STK32C: variants seen among roughly 807,000 people sequenced by gnomAD.
The protein encoded by STK32C is serine/threonine-protein kinase 32C.
In STK32C, 31 loss-of-function variants were observed where a neutral mutation model predicts 56.5. The ratio of observed to expected loss-of-function variants is 0.55; its 90% CI spans 0.41 to 0.74. The LOEUF (loss-of-function observed/expected upper bound fraction) is 0.74, where lower values mean the gene tolerates loss of function less well. Ranked by LOEUF, STK32C falls within the 30% of genes least tolerant of loss-of-function variation. The pLI is 0.00. For synonymous variants in STK32C, 309 were observed against 289.4 expected, an observed-to-expected ratio of 1.07 and a Z score of -0.69; for missense variants, 544 against 676.9, an observed-to-expected ratio of 0.80 and a Z score of 2.18.
chr10:132,276,238 G>A (rs994001803), intron 1 of STK32C, among the ~76,000 whole-genome samples: 3 of 152,228 alleles, frequency 2.0e-5, no homozygotes, highest in African/African-American at 7.2e-5. Context: ...AAGGGAAGAT[G>A]CAGAAAAGTG....
chr10:132,282,046 G>A (rs1376334664), intron 1 of STK32C, among the ~76,000 whole-genome samples: 4 of 152,244 alleles, frequency 2.6e-5, no homozygotes, highest in Non-Finnish European at 5.9e-5. Context: ...TGGAGGCAGA[G>A]CCGCCAGCTG....
chr10:132,274,220 G>C (rs1439231993), intron 1 of STK32C, among the ~76,000 whole-genome samples: 1 of 152,178 alleles, frequency 6.6e-6, no homozygotes, highest in African/African-American at 2.4e-5. Flanking sequence ...GGAGAGGCTG[G>C]CTCCTCCTGT....
At chr10:132,279,473 CAT>C (rs1369819875) in intron 1 of STK32C, among the ~76,000 whole-genome samples, 3 of 152,066 alleles carry the variant, frequency 2.0e-5, no homozygotes, top group South Asian at 2.1e-4. Context: ...AAGACATACA[CAT>C]GTGACCAGGT....
intron 1 of STK32C, among the ~76,000 whole-genome samples, chr10:132,246,853 T>C (rs1565105244): frequency 2.0e-5 from 3 of 152,184 alleles, no homozygotes; most frequent in East Asian, 3.9e-4. Context: ...TCCACTTGTG[T>C]CCCCAGGCCT....
intron 1 of STK32C, among the ~76,000 whole-genome samples, chr10:132,301,847 T>A (rs1246220162): frequency 6.6e-6 from 1 of 151,998 alleles, no homozygotes; most frequent in Non-Finnish European, 1.5e-5. Context: ...GGGTTAGAGA[T>A]CCCCCTCCAG....
intron 1 of STK32C, among the ~76,000 whole-genome samples, chr10:132,318,882 G>A (rs2066354397): frequency 6.6e-6 from 1 of 151,102 alleles, no homozygotes; most frequent in Admixed American, 6.6e-5. Context: ...AAAAAAAACA[G>A]ACAATACCAA....
At chr10:132,248,849 G>A (rs934252930) in intron 1 of STK32C, among the ~76,000 whole-genome samples, 2 of 152,200 alleles carry the variant, frequency 1.3e-5, no homozygotes, top group African/African-American at 4.8e-5. Context: ...TAAGCCTCTG[G>A]CCCCCGAGCT....
In STK32C at chr10:132,253,712, C is replaced by T. The variant is rs994138199; in HGVS notation, c.263-7757G>A. Among the ~76,000 whole-genome samples the T allele has an allele frequency of 3.9e-5, 6 of 152,326 alleles. No individual in the cohort carries two copies. The East Asian group carries it at 5.8e-4, about 15-fold the overall frequency. On this transcript the variant is annotated intron_variant, in intron 1 of 11. Transcript: ENST00000298630. ...TGAGGGAGCTGAGGGAGCCGCCCCT[C>T]CACAGCACATCTAAGGCCAAACACC... is the stretch of plus-strand genomic sequence containing the variant.
rs1191839984 is a variant in STK32C at position 132,208,055 on chromosome 10, G to A, written c.1416C>T (p.Ala472=). The change falls in exon 12 of 12, where the codon GCC becomes GCT. Residue 472 remains alanine, a synonymous_variant. Coordinates refer to ENST00000298630, the MANE Select transcript of STK32C (RefSeq NM_173575.4). ...GGCAAATGGGGCCGCACATGGGCAG[G>A]GCGGAGCGTTCCGCCTCGTCCTCCA... is the stretch of plus-strand genomic sequence containing the variant. ...EPVEDEAERS[A]LPMCGPICPS... 1.4e-5 allele frequency: 19 copies of A among 1,310,806 alleles called. No individual in the cohort carries two copies. The highest frequency in any genetic ancestry group is 1.7e-5 in the Non-Finnish European group (17 of 1,022,050). 81.2% of individuals were successfully genotyped at this position (1,310,806 alleles called of 1,614,324 possible). A position where few individuals can be genotyped will look rare whatever the true frequency, so the allele number is the denominator to read the frequency against.
intron 1 of STK32C, among the ~76,000 whole-genome samples, chr10:132,287,221 G>A (rs111587289): frequency 0.046 from 6,976 of 152,112 alleles, 538 homozygotes; most frequent in African/African-American, 0.16. Flanking sequence ...GGCCAGGCAC[G>A]GTGGCTCACA....
At chr10:132,251,068 C>A (rs777625389) in intron 1 of STK32C, among the ~76,000 whole-genome samples, 1 of 152,180 alleles carries the variant, frequency 6.6e-6, no homozygotes, top group Non-Finnish European at 1.5e-5. Flanking sequence ...CCTGGGGTCA[C>A]CCCCAAGGAG....
At chr10:132,252,023 C>T (rs2063927953) in intron 1 of STK32C, among the ~76,000 whole-genome samples, 2 of 152,232 alleles carry the variant, frequency 1.3e-5, no homozygotes, top group African/African-American at 4.8e-5. Flanking sequence ...CCCTATGCCT[C>T]CTGGGGCCTC....
intron 1 of STK32C, among the ~76,000 whole-genome samples, chr10:132,254,954 C>T (rs2064055409): frequency 6.6e-6 from 1 of 152,046 alleles, no homozygotes; most frequent in Non-Finnish European, 1.5e-5. Flanking sequence ...TGTCCCAGGC[C>T]TGGGACGCTT....
intron 2 of STK32C, among the ~76,000 whole-genome samples, chr10:132,239,890 C>T (rs543783745): frequency 3.6e-4 from 55 of 152,342 alleles, no homozygotes; most frequent in Middle Eastern, 3.4e-3. Context: ...AGGACAGGGA[C>T]GCATCACTCG....
chr10:132,331,725 G>A (rs11146334), exon 1 of STK32C: 1 of 1,612,408 alleles, frequency 6.2e-7, no homozygotes, highest in Admixed American at 1.7e-5. Context: ...CTCCCCAGAC[G>A]GCACTTAGCA....
At chr10:132,213,459 T>C (rs1296599624) in intron 10 of STK32C, among the ~76,000 whole-genome samples, 4 of 152,204 alleles carry the variant, frequency 2.6e-5, no homozygotes, top group Non-Finnish European at 4.4e-5. Context: ...ACCCGGGAAA[T>C]GAAAACAAAT....
intron 2 of STK32C, among the ~76,000 whole-genome samples, chr10:132,235,722 C>T (rs1304418632): frequency 1.3e-5 from 2 of 151,980 alleles, no homozygotes; most frequent in Non-Finnish European, 1.5e-5. Context: ...GAGTGACCGG[C>T]GGTCACGGAC....
intron 1 of STK32C, among the ~76,000 whole-genome samples, chr10:132,283,183 G>A (rs955901979): frequency 1.3e-5 from 2 of 152,384 alleles, no homozygotes; most frequent in African/African-American, 2.4e-5. Flanking sequence ...CAGGGACTGC[G>A]CCAGTCCTCT....
chr10:132,330,190 G>A (rs772972047), intron 1 of STK32C: 5 of 482,832 alleles, frequency 1.0e-5, no homozygotes, highest in East Asian at 3.7e-5. Context: ...AAACATGCTC[G>A]TACATACAAT....
Sources: gnomAD v4.1 joint callset for allele counts (sites outside exome capture counted in the v4.1 genomes callset) on GRCh38, gnomAD v4.1.1 for gene constraint, MANE v1.5 for transcripts, NCBI Gene and HGNC (gene_info 2026-07-23, HGNC 2026-07-21) for gene names.